Variants in RCAN2 observed in about 807,000 individuals in gnomAD.
RCAN2 encodes regulator of calcineurin 2, also known as calcipressin-2.
In RCAN2, 9 loss-of-function variants were observed where a neutral mutation model predicts 23.6. That is an observed-to-expected ratio of 0.38 (90% confidence interval 0.23 to 0.67). The LOEUF (loss-of-function observed/expected upper bound fraction) is 0.67, where lower values mean the gene tolerates loss of function less well. RCAN2 is among the 30% of genes least tolerant of loss of function. The probability of loss-of-function intolerance (pLI) is 0.51; values close to 1 mark genes in which losing one functional copy is unlikely to be tolerated. For synonymous variants in RCAN2, 109 were observed against 115.7 expected (o/e 0.94, Z 0.37); for missense variants, 273 against 302.3 (o/e 0.90, Z 0.72).
chr6:46,482,957 T>G (rs1025534169), intron 1 of RCAN2, among the ~76,000 whole-genome samples: 2 of 152,206 alleles, frequency 1.3e-5, no homozygotes, highest in Non-Finnish European at 2.9e-5. Flanking sequence ...GCATTCTACT[T>G]TTGGAGACCC....
At chr6:46,262,922 A>G (rs963298851) in intron 2 of RCAN2, among the ~76,000 whole-genome samples, 41 of 152,286 alleles carry the variant, frequency 2.7e-4, no homozygotes, top group African/African-American at 9.9e-4. Flanking sequence ...CTCATATCTC[A>G]AATCCAAGAA....
intron 2 of RCAN2, among the ~76,000 whole-genome samples, chr6:46,271,760 G>C (rs1048407898): frequency 2.0e-5 from 3 of 152,162 alleles, no homozygotes; most frequent in Non-Finnish European, 4.4e-5. Flanking sequence ...TGGTAGTAGG[G>C]ATAACCTGGA....
chr6:46,230,540 G>A (rs1288503155), intron 4 of RCAN2, among the ~76,000 whole-genome samples: 1 of 152,190 alleles, frequency 6.6e-6, no homozygotes, highest in Non-Finnish European at 1.5e-5. Flanking sequence ...TGTGCTAGCA[G>A]TGAGTGAGGC....
chr6:46,383,033 A>G (rs751184002), intron 2 of RCAN2, among the ~76,000 whole-genome samples: 4 of 152,182 alleles, frequency 2.6e-5, no homozygotes, highest in Non-Finnish European at 5.9e-5. Flanking sequence ...ATCTTCCCTC[A>G]AGGCGTCTAG....
At chr6:46,431,197 AT>A (rs202167268) in intron 2 of RCAN2, among the ~76,000 whole-genome samples, 66 of 149,494 alleles carry the variant, frequency 4.4e-4, no homozygotes, top group South Asian at 2.4e-3. Context: ...GAAGATTTGT[AT>A]TTTTAAAAAA....
intron 2 of RCAN2, among the ~76,000 whole-genome samples, chr6:46,271,553 A>G (rs1767524887): frequency 6.6e-6 from 1 of 152,186 alleles, no homozygotes; most frequent in African/African-American, 2.4e-5. Flanking sequence ...ACCCAACCAC[A>G]GACAACAAAT....
chr6:46,223,866 A>G (rs1033856817), intron 4 of RCAN2, among the ~76,000 whole-genome samples: 1 of 152,196 alleles, frequency 6.6e-6, no homozygotes, highest in African/African-American at 2.4e-5. Context: ...AAGTGTCTAC[A>G]TTCTTGACTG....
intron 4 of RCAN2, among the ~76,000 whole-genome samples, chr6:46,234,942 G>A (rs1766039788): frequency 6.6e-6 from 1 of 152,118 alleles, no homozygotes; most frequent in African/African-American, 2.4e-5. Flanking sequence ...GAGTCCCTGT[G>A]CTGACTAGGG....
intron 1 of RCAN2, among the ~76,000 whole-genome samples, chr6:46,466,231 G>A (rs1768377469): frequency 6.6e-6 from 1 of 152,220 alleles, no homozygotes; most frequent in Non-Finnish European, 1.5e-5. Flanking sequence ...CAAGAACGTT[G>A]CTATGGTAGC....
chr6:46,287,956 G>A (rs1054672194), intron 2 of RCAN2, among the ~76,000 whole-genome samples: 5 of 152,260 alleles, frequency 3.3e-5, no homozygotes, highest in South Asian at 2.1e-4. Flanking sequence ...AGAATAATAC[G>A]ACCCGAGGAT....
chr6:46,325,694 G>A, intron 2 of RCAN2: 1 of 1,359,092 alleles, frequency 7.4e-7, no homozygotes, highest in Non-Finnish European at 9.5e-7. Context: ...CTCGCTCATG[G>A]CAATGACATC....
intron 2 of RCAN2, 36 bp downstream of exon 2, chr6:46,456,716 C>A (rs754743026): frequency 7.1e-6 from 10 of 1,406,272 alleles, no homozygotes; most frequent in Non-Finnish European, 9.8e-6. Flanking sequence ...AATGCCATAT[C>A]TCCCCATGTT....
intron 2 of RCAN2, among the ~76,000 whole-genome samples, chr6:46,413,459 C>T (rs952247261): frequency 1.3e-5 from 2 of 152,094 alleles, no homozygotes; most frequent in East Asian, 1.9e-4. Flanking sequence ...TTAAGTCCTC[C>T]TGATACTTGT....
intron 4 of RCAN2, among the ~76,000 whole-genome samples, chr6:46,226,998 G>A (rs1326589433): frequency 6.6e-6 from 1 of 152,242 alleles, no homozygotes; most frequent in South Asian, 2.1e-4. Context: ...TAGCATGAAG[G>A]GCTGTTGAAT....
intron 2 of RCAN2, among the ~76,000 whole-genome samples, chr6:46,309,448 A>G (rs1763183672): frequency 6.6e-6 from 1 of 152,006 alleles, no homozygotes. Context: ...GATTTCCCTT[A>G]CCCCCATTTT....
chr6:46,296,924 A>G (rs1298469048), intron 2 of RCAN2, among the ~76,000 whole-genome samples: 3 of 152,162 alleles, frequency 2.0e-5, no homozygotes, highest in Non-Finnish European at 4.4e-5. Flanking sequence ...ATTTAAAACC[A>G]GGCCTTCAAG....
At chr6:46,312,410 T>A (rs1253151049) in intron 2 of RCAN2, among the ~76,000 whole-genome samples, 1 of 152,168 alleles carries the variant, frequency 6.6e-6, no homozygotes, top group Admixed American at 6.5e-5. Context: ...TGAGGAGGAA[T>A]CAGGGCAGAA....
chr6:46,481,974 G>GA (rs1768872808), intron 1 of RCAN2, among the ~76,000 whole-genome samples: 1 of 146,944 alleles, frequency 6.8e-6, no homozygotes, highest in Admixed American at 6.9e-5. Flanking sequence ...ATCTCAATAG[G>GA]AAAAAATCTA....
chr6:46,331,308 G>GTT (rs931941305), intron 2 of RCAN2, among the ~76,000 whole-genome samples: 2 of 147,188 alleles, frequency 1.4e-5, no homozygotes, highest in African/African-American at 4.9e-5. Flanking sequence ...ACTGCACTCA[G>GTT]TTTTTTTTTT....
Sources: allele counts gnomAD v4.1 joint callset (sites outside exome capture counted in the v4.1 genomes callset), GRCh38; gene constraint gnomAD v4.1.1; transcripts MANE v1.5; gene names NCBI Gene and HGNC (gene_info 2026-07-23, HGNC 2026-07-21).